The following PKHD1 variants were observed in gnomAD, a reference collection of about 807,000 sequenced individuals.
PKHD1 encodes the protein fibrocystin.
PKHD1 carries 291 observed loss-of-function variants against 412.0 expected under a neutral mutation model. The observed-to-expected ratio is 0.71, with a 90% CI of 0.64 to 0.78. PKHD1 has a LOEUF of 0.78. Ranked by LOEUF, PKHD1 falls within the 30% of genes least tolerant of loss-of-function variation. PKHD1 has a pLI of 0.00. For synonymous variants in PKHD1, 1,777 were observed against 1,821.5 expected, an observed-to-expected ratio of 0.98 and a Z score of 0.62; for missense variants, 4,825 against 4,950.7, an observed-to-expected ratio of 0.97 and a Z score of 0.76.
chr6:51,687,334 C>T (rs1389926640), intron 60 of PKHD1, among the ~76,000 whole-genome samples: 1 of 152,050 alleles, frequency 6.6e-6, no homozygotes, highest in Non-Finnish European at 1.5e-5. Flanking sequence ...ATGTTAAGTA[C>T]TAATAATAAC....
chr6:51,771,349 C>T (rs1351350322), intron 55 of PKHD1, among the ~76,000 whole-genome samples: 2 of 152,050 alleles, frequency 1.3e-5, no homozygotes, highest in East Asian at 1.9e-4. Context: ...AGGCCAGGCA[C>T]GGTGGCTCAT....
At chr6:51,892,705 T>C (rs140522559) in intron 43 of PKHD1, among the ~76,000 whole-genome samples, 1 of 152,328 alleles carries the variant, frequency 6.6e-6, no homozygotes, top group East Asian at 1.9e-4. Flanking sequence ...AATGCTTTAA[T>C]AGTCTTTACT....
Position 51,704,183 on chromosome 6 carries a change from G to C in PKHD1, c.10156+40202C>G, listed in dbSNP as rs1338138596. Among the ~76,000 whole-genome samples, 3 of 152,030 alleles carry C rather than the reference G, an allele frequency of 2.0e-5. No individual in the cohort carries two copies. In the East Asian group the frequency reaches 5.8e-4, roughly 29 times the overall value. ...TCTATTTTCTAGATTGGTAAATAAA[G>C]CATAGACACCCATCAAACGAAAGAC... On this transcript the variant is annotated intron_variant, in intron 60 of 66. Transcript: ENST00000371117.
rs886061621 is a variant in PKHD1, at chr6:52,056,688, C to A, written c.1693+10G>T. 2 of 1,597,652 alleles carry A rather than the reference C, an allele frequency of 1.3e-6. No individual in the cohort carries two copies. The highest frequency in any genetic ancestry group is 1.7e-6 in the Non-Finnish European group (2 of 1,165,072). ...GAAAAAGACAATCAGAATGAAGCCACGGACAGCACCTCGTTCAAATCCAAG... is the reference window on the plus strand; with the variant it reads ...GAAAAAGACAATCAGAATGAAGCCAAGGACAGCACCTCGTTCAAATCCAAG... On this transcript the variant is annotated intron_variant, in intron 18 of 66. Transcript: ENST00000371117.
At chr6:51,694,055 C>A (rs1778485963) in intron 60 of PKHD1, among the ~76,000 whole-genome samples, 1 of 152,096 alleles carries the variant, frequency 6.6e-6, no homozygotes, top group Admixed American at 6.6e-5. Context: ...GTCCTAGGTA[C>A]CCCATTCCCG....
intron 60 of PKHD1, among the ~76,000 whole-genome samples, chr6:51,713,462 C>T (rs1437147262): frequency 6.6e-6 from 1 of 152,150 alleles, no homozygotes; most frequent in Non-Finnish European, 1.5e-5. Flanking sequence ...TCTGGTTCTC[C>T]AGGGTTGAGC....
chr6:51,892,088 G>A lies in PKHD1; in HGVS notation c.6997-4843C>T, dbSNP rs141288985. Among the ~76,000 whole-genome samples the A allele has an allele frequency of 1.0e-3, 153 of 152,218 alleles. 1 individual carries two copies. Among genetic ancestry groups the A allele is most frequent in the African/African-American group, 3.4e-3 (140 of 41,538 alleles). On this transcript the variant is annotated intron_variant, in intron 43 of 66. Transcript: ENST00000371117. ...GCCATTTCTTCCTCATTTTTCATTC[G>A]GTTACAGGATGTTTTGTTCCTTTGT...
chr6:51,662,246 A>C (rs1178638378), intron 60 of PKHD1, among the ~76,000 whole-genome samples: 1 of 151,942 alleles, frequency 6.6e-6, no homozygotes, highest in African/African-American at 2.4e-5. Context: ...TTTTGAAAAA[A>C]GATACAATGG....
intron 65 of PKHD1, among the ~76,000 whole-genome samples, chr6:51,630,715 T>C (rs2661497): frequency 0.043 from 6,507 of 152,192 alleles, 235 homozygotes; most frequent in African/African-American, 0.093. Context: ...AATATATTTT[T>C]CTGATTCTGA....
At chr6:51,726,755 G>A (rs1216545325) in intron 60 of PKHD1, among the ~76,000 whole-genome samples, 3 of 152,182 alleles carry the variant, frequency 2.0e-5, no homozygotes, top group Non-Finnish European at 4.4e-5. Context: ...GATGGCATCA[G>A]TATTCCAATG....
At chr6:51,927,224 C>A (rs1785785434) in intron 37 of PKHD1, among the ~76,000 whole-genome samples, 1 of 152,106 alleles carries the variant, frequency 6.6e-6, no homozygotes. Flanking sequence ...TCCCCTTCAA[C>A]CCCACATCCC....
intron 63 of PKHD1, among the ~76,000 whole-genome samples, chr6:51,642,341 T>C (rs1286728865): frequency 6.6e-6 from 1 of 152,114 alleles, no homozygotes; most frequent in Non-Finnish European, 1.5e-5. Flanking sequence ...AAGTAAGATA[T>C]GGACTATGGG....
intron 35 of PKHD1, among the ~76,000 whole-genome samples, chr6:51,960,610 C>CT (rs1223484342): frequency 1.3e-5 from 2 of 152,268 alleles, no homozygotes; most frequent in South Asian, 4.1e-4. Flanking sequence ...CCCACTCGGC[C>CT]TTTTTTGATA....
intron 36 of PKHD1, among the ~76,000 whole-genome samples, chr6:51,955,629 G>A (rs1324100505): frequency 1.3e-5 from 2 of 152,034 alleles, no homozygotes; most frequent in Admixed American, 6.6e-5. Context: ...TATAAAGGAT[G>A]TAATACCTTC....
chr6:51,894,901 T>C (rs1436694235), intron 43 of PKHD1, among the ~76,000 whole-genome samples: 1 of 152,250 alleles, frequency 6.6e-6, no homozygotes, highest in Non-Finnish European at 1.5e-5. Context: ...TTCTCTTATT[T>C]ATGCAGCTTC....
rs1483520055 is a variant in PKHD1 at position 52,027,746 on chromosome 6, C to T, written c.3628+83G>A. ...TTTCCCCTCTCTCTGACCTCACTGG[C>T]AAATTAATCCAGAAACAAAATCTGA... On this transcript the variant is annotated intron_variant, in intron 31 of 66. Coordinates refer to ENST00000371117, the MANE Select transcript of PKHD1 (RefSeq NM_138694.4). The T allele has an allele frequency of 2.8e-6, 3 of 1,066,814 alleles. No individual in the cohort carries two copies. The African/African-American group carries it at 4.7e-5, about 17-fold the overall frequency. The allele number at this position is 1,066,814 out of a possible 1,614,324, so 66.1% of individuals were successfully genotyped here. A position where few individuals can be genotyped will look rare whatever the true frequency, so the allele number is the denominator to read the frequency against.
intron 55 of PKHD1, among the ~76,000 whole-genome samples, chr6:51,756,395 T>C (rs1158384407): frequency 6.6e-6 from 1 of 152,160 alleles, no homozygotes; most frequent in Non-Finnish European, 1.5e-5. Flanking sequence ...AGTCCAGCAT[T>C]TTTTCCACTA....
intron 36 of PKHD1, among the ~76,000 whole-genome samples, chr6:51,942,609 C>T (rs1311241952): frequency 1.3e-5 from 2 of 151,412 alleles, no homozygotes; most frequent in African/African-American, 4.8e-5. Flanking sequence ...ACCCCCATGA[C>T]TTATCTCTCT....
Position 52,025,171 on chromosome 6 carries a change from G to A in PKHD1, c.4639C>T (p.Pro1547Ser), listed in dbSNP as rs148428486. The A allele has an allele frequency of 2.5e-6, 4 of 1,614,114 alleles. No individual in the cohort carries two copies. Among genetic ancestry groups the A allele is most frequent in the Non-Finnish European group, 3.4e-6 (4 of 1,180,022 alleles). ...VCQTRDLAPG[P>S]HYLSVFYTRN... ...GTATAAAAAACTGACAGGTAGTGGG[G>A]TCCTGGGGCCAAGTCTCTTGTCTGG... The change falls in exon 32 of 67, where the codon CCC (proline) becomes TCC (serine). Residue 1547 changes from proline (P) to serine (S), a missense_variant. Pro to Ser is a moderately conservative substitution (Grantham distance 74). Coordinates refer to ENST00000371117, the MANE Select transcript of PKHD1 (RefSeq NM_138694.4).
Sources: gnomAD v4.1 joint callset for allele counts (sites outside exome capture counted in the v4.1 genomes callset) on GRCh38, gnomAD v4.1.1 for gene constraint, MANE v1.5 for transcripts, NCBI Gene and HGNC (gene_info 2026-07-23, HGNC 2026-07-21) for gene names.